DGKD: variants seen among roughly 807,000 people sequenced by gnomAD.
DGKD encodes diacylglycerol kinase delta, also known as DAG kinase delta.
DGKD carries 68 observed loss-of-function variants against 154.4 expected under a neutral mutation model. That is an observed-to-expected ratio of 0.44 (90% CI 0.36 to 0.54). The LOEUF is 0.54. Ranked by LOEUF, DGKD falls within the 20% of genes least tolerant of loss-of-function variation. The pLI, the probability that DGKD is intolerant of heterozygous loss-of-function variation, is 0.00. For missense variants in DGKD, 1,343 were observed against 1,593.6 expected, an observed-to-expected ratio of 0.84 and a Z score of 2.68; for synonymous variants, 693 against 638.0, an observed-to-expected ratio of 1.09 and a Z score of -1.30.
At chr2:233,468,187 C>A (rs773220259) in intron 28 of DGKD, among the ~76,000 whole-genome samples, 1 of 149,344 alleles carries the variant, frequency 6.7e-6, no homozygotes, top group Non-Finnish European at 1.5e-5. Flanking sequence ...TACCGGCTGC[C>A]AGAGATGGCT....
chr2:233,438,501 C>T lies in DGKD; in HGVS notation c.1085+122C>T, dbSNP rs901775896. On this transcript the variant is annotated intron_variant, in intron 9 of 29. Coordinates refer to ENST00000264057, the MANE Select transcript of DGKD (RefSeq NM_152879.3). The surrounding 1 kb of genome is among the most constrained non-coding windows in gnomAD (Gnocchi z 4.1). The stretch of plus-strand genomic sequence containing the variant: ...TAAATAGGAAAGAAAAGTTGAACTG[C>T]TTCCTTCCCAAATTGCACTTGCAGA... 2.5e-5 allele frequency: 31 copies of T among 1,244,490 alleles called. No homozygotes were observed. Among genetic ancestry groups the T allele is most frequent in the Non-Finnish European group, 3.4e-5 (31 of 912,634 alleles). 77.1% of individuals were successfully genotyped at this position (1,244,490 alleles called of 1,614,324 possible).
In DGKD at chr2:233,457,145, G is replaced by T; in HGVS notation, c.2473-76G>T. 2 of 1,346,600 alleles carry T rather than the reference G, an allele frequency of 1.5e-6. No homozygotes were observed. The highest frequency in any genetic ancestry group is 1.4e-5 in the South Asian group (1 of 73,658). 83.4% of individuals were successfully genotyped at this position (1,346,600 alleles called of 1,614,324 possible). On this transcript the variant is annotated intron_variant, in intron 20 of 29. Coordinates refer to ENST00000264057, the MANE Select transcript of DGKD (RefSeq NM_152879.3). The surrounding 1 kb of genome is among the most constrained non-coding windows in gnomAD (Gnocchi z 5.5). ...ACGGCTGTGCTCCTGAGCCCCTGGC[G>T]GTGGGAAGCTGGTAGAGAAGGAGGG...
In DGKD at chr2:233,434,383, A is replaced by G. The variant is rs752461831; in HGVS notation, c.352A>G (p.Ile118Val). The change falls in exon 4 of 30, where the codon ATA becomes GTA. Residue 118 changes from isoleucine (I) to valine (V), a missense_variant. Ile to Val is a conservative substitution (Grantham distance 29). Transcript: ENST00000264057. Reference protein sequence around the residue: ...TKNVNNSFTVITPCRKLILCA... With the variant: ...TKNVNNSFTVVTPCRKLILCA... ...TTGAACCTGTTTCTTTCTCTAGGTC[A>G]TAACTCCATGCAGGAAGCTCATCTT... The G allele has an allele frequency of 1.2e-6, 2 of 1,613,966 alleles. No homozygotes were observed. Among genetic ancestry groups the G allele is most frequent in the Non-Finnish European group, 1.7e-6 (2 of 1,179,816 alleles).
chr2:233,373,578 A>G (rs1372355709), intron 1 of DGKD, among the ~76,000 whole-genome samples: 5 of 152,242 alleles, frequency 3.3e-5, no homozygotes, highest in African/African-American at 1.2e-4. Flanking sequence ...TGTTGGATCA[A>G]AACAGATTGA....
chr2:233,424,533 C>T (rs1352940134), intron 3 of DGKD, among the ~76,000 whole-genome samples: 1 of 152,228 alleles, frequency 6.6e-6, no homozygotes, highest in African/African-American at 2.4e-5. Flanking sequence ...TGAAATGTGC[C>T]AGACACCGCT....
rs1018255758 is a variant in DGKD, at chr2:233,354,744, C to G, written c.156+70C>G. ...CGGCAGCCCCGGCCGAGGCCCGTGG[C>G]CCTGCCCGAGCGGCCGCCCAGGCCC... On this transcript the variant is annotated intron_variant, in intron 1 of 29. Transcript: ENST00000264057. This position sits in a 1 kb window ranked among gnomAD's most constrained non-coding sequence, Gnocchi z 4.8. 2 of 930,168 alleles carry G rather than the reference C, an allele frequency of 2.2e-6. No individual in the cohort carries two copies. The highest frequency in any genetic ancestry group is 1.8e-5 in the African/African-American group (1 of 55,208). 57.6% of individuals were successfully genotyped at this position (930,168 alleles called of 1,614,324 possible). A position where few individuals can be genotyped will look rare whatever the true frequency, so the allele number is the denominator to read the frequency against.
At chr2:233,373,768 T>G (rs1421111799) in intron 1 of DGKD, among the ~76,000 whole-genome samples, 3 of 152,240 alleles carry the variant, frequency 2.0e-5, no homozygotes, top group African/African-American at 7.2e-5. Flanking sequence ...GCTCAAGGTC[T>G]TGATATGAAT....
intron 1 of DGKD, among the ~76,000 whole-genome samples, chr2:233,382,186 A>T (rs1281899823): frequency 6.6e-6 from 1 of 152,204 alleles, no homozygotes; most frequent in Non-Finnish European, 1.5e-5. Flanking sequence ...GTGAGCCAAG[A>T]TTGTGGCACT....
intron 1 of DGKD, among the ~76,000 whole-genome samples, chr2:233,361,972 AT>A (rs1428453988): frequency 6.6e-6 from 1 of 152,036 alleles, no homozygotes; most frequent in Admixed American, 6.6e-5. Context: ...ATTTTTTGGT[AT>A]TTTTAATAGA....
chr2:233,432,180 A>G (rs1297215948), intron 3 of DGKD, among the ~76,000 whole-genome samples: 1 of 144,194 alleles, frequency 6.9e-6, no homozygotes, highest in Non-Finnish European at 1.5e-5. Flanking sequence ...TCACGAGGTC[A>G]GGAGATCGTG....
chr2:233,426,706 G>A (rs185555080), intron 3 of DGKD, among the ~76,000 whole-genome samples: 13 of 152,234 alleles, frequency 8.5e-5, no homozygotes, highest in East Asian at 3.9e-4. Context: ...GAACATTCTC[G>A]TATGCTTTGA....
chr2:233,411,387 A>G (rs983666283), intron 3 of DGKD, among the ~76,000 whole-genome samples: 1 of 152,166 alleles, frequency 6.6e-6, no homozygotes, highest in African/African-American at 2.4e-5. Context: ...TATGTGTCCT[A>G]ATAGTTATGT....
chr2:233,468,639 T>G, intron 29 of DGKD, 86 bp downstream of exon 29: 306 of 1,469,996 alleles, frequency 2.1e-4, no homozygotes, highest in Non-Finnish European at 2.5e-4. Flanking sequence ...GACCTGGCCA[T>G]GTCCCAGCAT....
At chr2:233,418,065 A>G (rs750470407) in intron 3 of DGKD, among the ~76,000 whole-genome samples, 8 of 152,194 alleles carry the variant, frequency 5.3e-5, no homozygotes, top group Non-Finnish European at 1.0e-4. Context: ...AAAAATTTGG[A>G]TTATTTATAC....
chr2:233,389,827 C>T (rs1023900822), intron 2 of DGKD, among the ~76,000 whole-genome samples: 12 of 152,078 alleles, frequency 7.9e-5, no homozygotes, highest in Non-Finnish European at 1.6e-4. Context: ...CCAGCCCTGC[C>T]CTGGAGCATC....
intron 3 of DGKD, among the ~76,000 whole-genome samples, chr2:233,401,190 G>A (rs2061550346): frequency 6.6e-6 from 1 of 151,994 alleles, no homozygotes; most frequent in Admixed American, 6.6e-5. Flanking sequence ...CTGAGAAATG[G>A]GGCTAGTAAC....
intron 3 of DGKD, among the ~76,000 whole-genome samples, chr2:233,399,653 G>A (rs186881796): frequency 6.6e-6 from 1 of 152,310 alleles, no homozygotes. Context: ...GGGTGGGTTT[G>A]GGCTTTTTTG....
chr2:233,438,373 A>T lies in DGKD; in HGVS notation c.1079A>T (p.His360Leu). Residue 360 changes from histidine to leucine, a missense_variant, in exon 9 of 30, where the codon CAC becomes CTC. Physicochemically the swap from His to Leu is moderately conservative, Grantham distance 99. This residue lies in a region of DGKD where 56 missense variants were observed against 111.1 expected (regional missense o/e 0.50). Transcript: ENST00000264057. The surrounding 1 kb of genome is among the most constrained non-coding windows in gnomAD (Gnocchi z 4.1). ...QVFDLMNGGP[H>L]LGLRLFQKFD... Reference sequence around the variant, plus strand: ...TTCGACCTCATGAACGGAGGCCCACACCTCGGGTAGGAAGCTTGTAAAATA... The same window carrying T: ...TTCGACCTCATGAACGGAGGCCCACTCCTCGGGTAGGAAGCTTGTAAAATA... The T allele has an allele frequency of 6.2e-7, 1 of 1,610,962 alleles. No homozygotes were observed. The highest frequency in any genetic ancestry group is 8.5e-7 in the Non-Finnish European group (1 of 1,177,724).
chr2:233,466,084 A>G (rs1646778643), intron 27 of DGKD, among the ~76,000 whole-genome samples: 1 of 152,122 alleles, frequency 6.6e-6, no homozygotes. Context: ...TAGCTGTTCA[A>G]GACTATGTTT....
Sources: gnomAD v4.1 joint callset for allele counts (sites outside exome capture counted in the v4.1 genomes callset) on GRCh38, gnomAD v4.1.1 for gene constraint, gnomAD v4.1.1 regional missense constraint, Gnocchi (gnomAD v3.1) non-coding constraint, MANE v1.5 for transcripts, NCBI Gene and HGNC (gene_info 2026-07-23, HGNC 2026-07-21) for gene names.